The following IFNAR1 variants were observed in gnomAD, a reference collection of about 807,000 sequenced individuals.
The protein encoded by IFNAR1 is interferon alpha/beta receptor 1.
IFNAR1 carries 47 observed loss-of-function variants against 62.1 expected under a neutral mutation model. The ratio of observed to expected loss-of-function variants is 0.76; its 90% confidence interval spans 0.60 to 0.97. The LOEUF is 0.97. Ranked by LOEUF, IFNAR1 falls within the 50% of genes least tolerant of loss-of-function variation. The pLI is 0.00. For missense variants in IFNAR1, 638 were observed against 654.5 expected (o/e 0.97, Z 0.27); for synonymous variants, 219 against 226.9 (o/e 0.97, Z 0.31).
chr21:33,353,764 C>T lies in IFNAR1; in HGVS notation c.1421C>T (p.Pro474Leu). ...INYVFFPSLK[P>L]SSSIDEYFSE... Reference sequence around the variant, plus strand: ...TATGTCTTCTTTCCATCACTTAAACCTTCTTCCAGTATAGATGAGGTATGT... The same window carrying T: ...TATGTCTTCTTTCCATCACTTAAACTTTCTTCCAGTATAGATGAGGTATGT... Residue 474 changes from proline (P) to leucine (L), a missense_variant, in exon 10 of 11, where the codon CCT (proline) becomes CTT (leucine). By Grantham distance (98) the Pro-to-Leu change is moderately conservative (BLOSUM62 -3). Coordinates refer to ENST00000270139, the MANE Select transcript of IFNAR1 (RefSeq NM_000629.3). 1 of 1,583,102 alleles carries T rather than the reference C, an allele frequency of 6.3e-7. No homozygotes were observed. The highest frequency in any genetic ancestry group is 8.6e-7 in the Non-Finnish European group (1 of 1,168,110).
In IFNAR1 at chr21:33,325,012, G is replaced by A; in HGVS notation, c.-44G>A. On this transcript the variant is annotated 5_prime_UTR_variant, in exon 1 of 11. Coordinates refer to ENST00000270139, the MANE Select transcript of IFNAR1 (RefSeq NM_000629.3). The stretch of plus-strand genomic sequence containing the variant: ...GGCGATGGCGGCTGAGAGGAGCTGC[G>A]CGTGCGCGAACATGTAACTGGTGGG... The A allele has an allele frequency of 6.5e-7, 1 of 1,538,706 alleles. No homozygotes were observed. Among genetic ancestry groups the A allele is most frequent in the Non-Finnish European group, 8.8e-7 (1 of 1,133,082 alleles).
chr21:33,338,111 C>G (rs2083259542), intron 2 of IFNAR1, among the ~76,000 whole-genome samples: 1 of 151,986 alleles, frequency 6.6e-6, no homozygotes, highest in African/African-American at 2.4e-5. Flanking sequence ...AGATATTTTT[C>G]AAAAGAAAAC....
At chr21:33,332,510 T>A (rs772167983) in intron 1 of IFNAR1, among the ~76,000 whole-genome samples, 2 of 152,042 alleles carry the variant, frequency 1.3e-5, no homozygotes, top group Non-Finnish European at 2.9e-5. Flanking sequence ...AAGTAAGAAC[T>A]CTCTAATGGT....
chr21:33,349,215 C>A lies in IFNAR1; in HGVS notation c.913C>A (p.Leu305Ile), dbSNP rs1204231390. ...CGTTTTCCAAAAAGGAATTTACCTT[C>A]TCCGCGTACAAGCATCTGATGGAAA... ...QNVFQKGIYL[L>I]RVQASDGNNT... Residue 305 changes from leucine to isoleucine, a missense_variant, in exon 7 of 11, where the codon CTC (leucine) becomes ATC (isoleucine). Transcript: ENST00000270139. 1 of 1,613,474 alleles carries A rather than the reference C, an allele frequency of 6.2e-7. No homozygotes were observed. The highest frequency in any genetic ancestry group is 1.7e-5 in the Admixed American group (1 of 59,992).
intron 1 of IFNAR1, among the ~76,000 whole-genome samples, chr21:33,327,538 AAT>A (rs1284595133): frequency 6.6e-6 from 1 of 152,242 alleles, no homozygotes; most frequent in Non-Finnish European, 1.5e-5. Context: ...AGTCTGGACT[AAT>A]AGCCTTGGGG....
chr21:33,344,205 A>G (rs2083322545), intron 5 of IFNAR1, among the ~76,000 whole-genome samples: 1 of 152,204 alleles, frequency 6.6e-6, no homozygotes, highest in African/African-American at 2.4e-5. Flanking sequence ...AAAACTTTTC[A>G]TTTGTTCAGA....
rs1162634704 is a variant in IFNAR1 at position 33,343,417 on chromosome 21, G to A, written c.526G>A (p.Val176Ile). 2.5e-6 allele frequency: 4 copies of A among 1,610,264 alleles called. No individual in the cohort carries two copies. The highest frequency in any genetic ancestry group is 2.5e-6 in the Non-Finnish European group (3 of 1,177,274). Residue 176 changes from valine to isoleucine, a missense_variant, in exon 4 of 11, where the codon GTA becomes ATA. Transcript: ENST00000270139. ...AGTTATCTGGAAAAACTCTTCAGGT[G>A]TAGAAGTAAGCATTATTTTTACCTC... The part of the protein sequence containing the change: ...SLVIWKNSSG[V>I]EERIENIYSR...
chr21:33,337,861 T>G (rs1193083319), intron 2 of IFNAR1, among the ~76,000 whole-genome samples: 1 of 152,152 alleles, frequency 6.6e-6, no homozygotes, highest in East Asian at 1.9e-4. Flanking sequence ...TCTCTAGAGA[T>G]TTTCATTAAA....
chr21:33,348,149 G>A lies in IFNAR1; in HGVS notation c.789-942G>A, dbSNP rs558164076. ...CAAGTTACTTAACCTCTTTAGTCTC[G>A]TACTTATACTTGCTCTTATAACCCC... On this transcript the variant is annotated intron_variant, in intron 6 of 10. Coordinates refer to ENST00000270139, the MANE Select transcript of IFNAR1 (RefSeq NM_000629.3). 4.6e-5 allele frequency among the ~76,000 whole-genome samples: 7 copies of A among 152,278 alleles called. No individual in the cohort carries two copies. The South Asian group carries it at 6.2e-4, about 14-fold the overall frequency.
intron 1 of IFNAR1, among the ~76,000 whole-genome samples, chr21:33,326,836 C>T (rs1712699707): frequency 6.6e-6 from 1 of 151,698 alleles, no homozygotes; most frequent in African/African-American, 2.4e-5. Flanking sequence ...AAAGGCAGGG[C>T]GTCACCAGGC....
At position 33,355,618 on chromosome 21, in the gene IFNAR1, C is replaced by A; in HGVS notation, c.*69C>A. On this transcript the variant is annotated 3_prime_UTR_variant, in exon 11 of 11. Transcript: ENST00000270139. ...TACACTGGGAGCCTGAGGTCCTCAC[C>A]TTCCTCTCAGTAACTACAGAGAGGA... 1 of 773,084 alleles carries A rather than the reference C, an allele frequency of 1.3e-6. No homozygotes were observed. Among genetic ancestry groups the A allele is most frequent in the East Asian group, 2.6e-5 (1 of 38,230 alleles). The allele number at this position is 773,084 out of a possible 1,614,324, so 47.9% of individuals were successfully genotyped here. A position where few individuals can be genotyped will look rare whatever the true frequency, so the allele number is the denominator to read the frequency against.
chr21:33,325,152 T>C (rs749559641), intron 1 of IFNAR1, 21 bp downstream of exon 1: 1 of 1,600,436 alleles, frequency 6.2e-7, no homozygotes. Flanking sequence ...GGGAGGAGAG[T>C]CTTGGCGCAG....
intron 1 of IFNAR1, among the ~76,000 whole-genome samples, chr21:33,331,831 C>A (rs118154505): frequency 4.1e-3 from 629 of 152,232 alleles, no homozygotes; most frequent in Admixed American, 8.8e-3. Context: ...CCAGAGAACC[C>A]CTTCTTTATA....
rs2083453077 is a variant in IFNAR1 at position 33,356,806 on chromosome 21, C to T, written c.*1257C>T. ...GCTTCCCTAGGAAAAAGGTCGCTGGCTTTGGTGCAAGAGGAAGAAGAATGT... is the reference window on the plus strand; with the variant it reads ...GCTTCCCTAGGAAAAAGGTCGCTGGTTTTGGTGCAAGAGGAAGAAGAATGT... On this transcript the variant is annotated 3_prime_UTR_variant, in exon 11 of 11. Coordinates refer to ENST00000270139, the MANE Select transcript of IFNAR1 (RefSeq NM_000629.3). The T allele has an allele frequency of 6.6e-6, 1 of 152,162 alleles. No individual in the cohort carries two copies. Among genetic ancestry groups the T allele is most frequent in the African/African-American group, 2.4e-5 (1 of 41,436 alleles). 9.4% of individuals were successfully genotyped at this position (152,162 alleles called of 1,614,324 possible).
intron 1 of IFNAR1, among the ~76,000 whole-genome samples, chr21:33,333,692 C>T (rs533661705): frequency 1.5e-4 from 22 of 143,882 alleles, no homozygotes; most frequent in African/African-American, 4.5e-4. Flanking sequence ...GGCGCGATCT[C>T]GGCTCACTGC....
At chr21:33,333,330 C>A (rs2083198867) in intron 1 of IFNAR1, among the ~76,000 whole-genome samples, 1 of 152,188 alleles carries the variant, frequency 6.6e-6, no homozygotes, top group Non-Finnish European at 1.5e-5. Context: ...ATGAGAAATG[C>A]TCCAGGGAGT....
Position 33,349,103 on chromosome 21 carries a change from A to G in IFNAR1, c.801A>G (p.Lys267=), listed in dbSNP as rs2083375959. The change falls in exon 7 of 11, where the codon AAA becomes AAG. Residue 267 remains lysine (K), a synonymous_variant. Coordinates refer to ENST00000270139, the MANE Select transcript of IFNAR1 (RefSeq NM_000629.3). The stretch of plus-strand genomic sequence containing the variant: ...TTTGTCTTAAAAGCGCCTTTTTAAA[A>G]AGGAATCCTGGAAACCATTTGTATA... ...FQVQWLHAFL[K]RNPGNHLYKW... 2 of 1,586,914 alleles carry G rather than the reference A, an allele frequency of 1.3e-6. No homozygotes were observed. The highest frequency in any genetic ancestry group is 4.5e-5 in the East Asian group (2 of 44,574).
Position 33,342,185 on chromosome 21 carries a change from G to A in IFNAR1, c.376+1011G>A, listed in dbSNP as rs545122392. ...ACACTTTGGGAGGCTGAGGTGGGAG[G>A]ATCACTTGAGGCCAGAAGTTCAAGA... On this transcript the variant is annotated intron_variant, in intron 3 of 10. Transcript: ENST00000270139. Among the ~76,000 whole-genome samples, 153 of 152,158 alleles carry A rather than the reference G, an allele frequency of 1.0e-3. 1 individual carries two copies. Among genetic ancestry groups the A allele is most frequent in the Non-Finnish European group, 1.8e-3 (125 of 67,992 alleles).
At chr21:33,325,587 T>C (rs539925812) in intron 1 of IFNAR1, among the ~76,000 whole-genome samples, 1 of 152,156 alleles carries the variant, frequency 6.6e-6, no homozygotes, top group South Asian at 2.1e-4. Flanking sequence ...CAATAAAAAA[T>C]GACAGTCGGA....
Sources: allele counts gnomAD v4.1 joint callset (sites outside exome capture counted in the v4.1 genomes callset), GRCh38; gene constraint gnomAD v4.1.1; transcripts MANE v1.5; gene names NCBI Gene and HGNC (gene_info 2026-07-23, HGNC 2026-07-21).